Variants in SIK3 observed in about 807,000 individuals in gnomAD.
SIK3 encodes SIK family kinase 3.
SIK3 carries 28 observed loss-of-function variants against 144.2 expected under a neutral mutation model. The ratio of observed to expected loss-of-function variants is 0.19; its 90% confidence interval spans 0.14 to 0.27. The LOEUF is 0.27. Among genes scored for constraint, SIK3 ranks in the 10% least tolerant of loss-of-function variants. The pLI is 1.00. For synonymous variants in SIK3, 686 were observed against 676.3 expected (o/e 1.01, Z -0.22); for missense variants, 1,319 against 1,776.0 (o/e 0.74, Z 4.62).
chr11:116,953,177 C>A (rs540297469), intron 3 of SIK3, among the ~76,000 whole-genome samples: 2 of 152,114 alleles, frequency 1.3e-5, no homozygotes, highest in East Asian at 1.9e-4. Flanking sequence ...AAAAGTGATT[C>A]TATGCTTTTA....
intron 1 of SIK3, among the ~76,000 whole-genome samples, chr11:117,093,390 T>C (rs1459747800): frequency 6.6e-6 from 1 of 152,234 alleles, no homozygotes; most frequent in African/African-American, 2.4e-5. Flanking sequence ...CAAAATGTCT[T>C]CTCTGTGTAA....
chr11:116,980,783 CGGA>C (rs1218383112), intron 1 of SIK3, among the ~76,000 whole-genome samples: 13 of 151,628 alleles, frequency 8.6e-5, no homozygotes, highest in East Asian at 3.9e-4. Context: ...ACCTAGGAGG[CGGA>C]GGCTGCAGTG....
At chr11:117,020,637 T>C (rs1348687476) in intron 1 of SIK3, among the ~76,000 whole-genome samples, 1 of 152,036 alleles carries the variant, frequency 6.6e-6, no homozygotes, top group Non-Finnish European at 1.5e-5. Context: ...GAAGCCTCCA[T>C]AAAAACCTAA....
intron 1 of SIK3, 39 bp downstream of exon 1, chr11:117,098,104 C>T (rs1279774190): frequency 2.1e-6 from 3 of 1,398,128 alleles, no homozygotes; most frequent in Non-Finnish European, 1.9e-6. Context: ...CTCCCGGCCC[C>T]GCCACGCTCC....
Position 116,855,083 on chromosome 11 carries a change from C to CAAAAAAAA in SIK3, c.3655+2719_3655+2726dup, listed in dbSNP as rs528405922. On this transcript the variant is annotated intron_variant, in intron 21 of 24. Transcript: ENST00000445177. ...CATGGGTGACAGTGTGAGACTCTGCCAAAAAAAAAAAAAAAAAAAAAAAAA... is the reference window on the plus strand; with the variant it reads ...CATGGGTGACAGTGTGAGACTCTGCCAAAAAAAAAAAAAAAAAAAAAAAAAAAAAAAAA... 3.3e-3 allele frequency among the ~76,000 whole-genome samples: 267 copies of CAAAAAAAA among 82,068 alleles called. 40 individuals are homozygous for CAAAAAAAA. The highest frequency in any genetic ancestry group is 0.018 in the African/African-American group (256 of 13,874). 53.8% of individuals were successfully genotyped at this position (82,068 alleles called of 152,430 possible).
intron 1 of SIK3, among the ~76,000 whole-genome samples, chr11:117,006,819 C>T (rs887715134): frequency 1.3e-5 from 2 of 152,168 alleles, no homozygotes; most frequent in Admixed American, 1.3e-4. Flanking sequence ...CTCTATTTTT[C>T]TCCCATAATG....
At chr11:116,927,519 T>C in intron 3 of SIK3, 139 bp from the exon 4 acceptor site, 1 of 692,914 alleles carries the variant, frequency 1.4e-6, no homozygotes, top group Non-Finnish European at 2.4e-6. Flanking sequence ...AACACATTGA[T>C]AGTCCTGGTT....
chr11:116,886,752 TA>T (rs11446656), intron 6 of SIK3, among the ~76,000 whole-genome samples: 3 of 151,864 alleles, frequency 2.0e-5, no homozygotes, highest in African/African-American at 7.3e-5. Flanking sequence ...AGTATGTTGT[TA>T]AAAAAATATA....
chr11:116,975,824 T>C (rs534215957), intron 1 of SIK3, among the ~76,000 whole-genome samples: 72 of 152,240 alleles, frequency 4.7e-4, no homozygotes, highest in Non-Finnish European at 7.8e-4. Flanking sequence ...TTAAATTCTC[T>C]CTCACCAGCA....
rs188353714 is a variant in SIK3, at chr11:117,026,218, A to C, written c.274-69154T>G. ...TAACCGTTGGGTCACAACTGCCTACAATATTGAGTTAGGAAAATGCTGTAT... is the reference window on the plus strand; with the variant it reads ...TAACCGTTGGGTCACAACTGCCTACCATATTGAGTTAGGAAAATGCTGTAT... On this transcript the variant is annotated intron_variant, in intron 1 of 24. Transcript: ENST00000445177. 6.6e-5 allele frequency among the ~76,000 whole-genome samples: 10 copies of C among 152,298 alleles called. No individual in the cohort carries two copies. In the East Asian group the frequency reaches 1.9e-3, roughly 29 times the overall value.
intron 4 of SIK3, among the ~76,000 whole-genome samples, chr11:116,898,063 C>A (rs975756718): frequency 6.6e-5 from 10 of 151,782 alleles, no homozygotes; most frequent in African/African-American, 2.2e-4. Context: ...CATGCTGGTG[C>A]GCTGCACCCA....
At chr11:116,876,815 G>A (rs1458388428) in intron 7 of SIK3, 109 bp downstream of exon 7, 1 of 844,132 alleles carries the variant, frequency 1.2e-6, no homozygotes, top group Non-Finnish European at 2.0e-6. Flanking sequence ...TTACATAATA[G>A]TTTGTTCCCA....
chr11:116,973,562 G>A (rs1591457367), intron 1 of SIK3, among the ~76,000 whole-genome samples: 1 of 152,156 alleles, frequency 6.6e-6, no homozygotes, highest in Non-Finnish European at 1.5e-5. Context: ...TCAAAAGCAT[G>A]TGCATCTAAT....
chr11:117,009,772 C>T (rs578016878), intron 1 of SIK3, among the ~76,000 whole-genome samples: 46 of 152,190 alleles, frequency 3.0e-4, no homozygotes, highest in Admixed American at 5.9e-4. Flanking sequence ...TATCACCTTC[C>T]TGAAAATTTT....
intron 1 of SIK3, among the ~76,000 whole-genome samples, chr11:117,090,143 G>A (rs1955179683): frequency 6.6e-6 from 1 of 152,188 alleles, no homozygotes; most frequent in African/African-American, 2.4e-5. Flanking sequence ...TATTTTATTA[G>A]ATTAGGATAA....
intron 3 of SIK3, among the ~76,000 whole-genome samples, chr11:116,931,478 A>AGT (rs1229444982): frequency 1.3e-5 from 2 of 152,226 alleles, no homozygotes; most frequent in African/African-American, 4.8e-5. Flanking sequence ...CTAAACAGAC[A>AGT]GTGTCTCCAT....
chr11:116,857,852 G>T lies in SIK3; in HGVS notation c.3613C>A (p.Gln1205Lys). ...QELGIHPYGH[Q>K]PTAAFSKNKV... ...TTTTTACTGAATGCAGCAGTTGGCTGATGACCATAGGGATGTATCCCCAAT... is the reference window on the plus strand; with the variant it reads ...TTTTTACTGAATGCAGCAGTTGGCTTATGACCATAGGGATGTATCCCCAAT... The change falls in exon 21 of 25, where the codon CAG (glutamine) becomes AAG (lysine). Residue 1205 changes from glutamine (Q) to lysine (K), a missense_variant. By Grantham distance (53) the Gln-to-Lys change is moderately conservative (BLOSUM62 1). Around this residue, in one of 8 missense-constraint regions of SIK3, gnomAD observed 646 missense variants for 763.7 expected, o/e 0.85. Coordinates refer to ENST00000445177, the MANE Select transcript of SIK3 (RefSeq NM_001366686.3). The T allele has an allele frequency of 6.2e-7, 1 of 1,614,120 alleles. No individual in the cohort carries two copies. The highest frequency in any genetic ancestry group is 2.2e-5 in the East Asian group (1 of 44,896).
intron 1 of SIK3, among the ~76,000 whole-genome samples, chr11:117,065,769 AC>A (rs1400556718): frequency 7.3e-5 from 11 of 151,622 alleles, no homozygotes; most frequent in African/African-American, 2.4e-4. Flanking sequence ...AGCTGGTATT[AC>A]AGGCATGCAC....
intron 1 of SIK3, among the ~76,000 whole-genome samples, chr11:117,050,204 G>A (rs1227030349): frequency 6.6e-6 from 1 of 151,208 alleles, no homozygotes; most frequent in Non-Finnish European, 1.5e-5. Context: ...CAGGAGAATC[G>A]CTTGAACCTG....
Sources: allele counts gnomAD v4.1 joint callset (sites outside exome capture counted in the v4.1 genomes callset), GRCh38; gene constraint gnomAD v4.1.1; regional missense constraint gnomAD v4.1.1; transcripts MANE v1.5; gene names NCBI Gene and HGNC (gene_info 2026-07-23, HGNC 2026-07-21).